The following TENM3 variants were observed in gnomAD, a reference collection of about 807,000 sequenced individuals.
The protein encoded by TENM3 is teneurin-3.
In TENM3, 63 loss-of-function variants were observed where a neutral mutation model predicts 255.1. The observed-to-expected ratio is 0.25, with a 90% CI of 0.20 to 0.30. The LOEUF is 0.30. Among genes scored for constraint, TENM3 ranks in the 10% least tolerant of loss-of-function variants. The pLI is 1.00. For missense variants in TENM3, 2,929 were observed against 3,461.1 expected (o/e 0.85, Z 3.86); for synonymous variants, 1,306 against 1,322.3 (o/e 0.99, Z 0.27).
intron 1 of TENM3, among the ~76,000 whole-genome samples, chr4:182,193,661 T>C (rs1398469187): frequency 2.6e-5 from 4 of 152,188 alleles, no homozygotes; most frequent in Non-Finnish European, 5.9e-5. Context: ...ATTAAAAAGA[T>C]TGACATGTTT....
the TENM3 span, chr4:181,874,351 A>AT: frequency 1.3e-5 from 2 of 152,178 alleles, no homozygotes; most frequent in African/African-American, 4.8e-5. Context: ...TATTAGTGTG[A>AT]TTTTGTCAAT....
intron 13 of TENM3, among the ~76,000 whole-genome samples, chr4:182,721,992 G>C (rs922563790): frequency 1.3e-5 from 2 of 151,858 alleles, no homozygotes; most frequent in African/African-American, 2.4e-5. Context: ...TTTTATCCCA[G>C]GTGTTCACTT....
the TENM3 span, among the ~76,000 whole-genome samples, chr4:182,059,107 T>C: frequency 2.6e-5 from 4 of 152,056 alleles, no homozygotes; most frequent in African/African-American, 9.7e-5. Flanking sequence ...TGCTGGGATA[T>C]GCAGGTGGCA....
At chr4:181,981,712 A>G in the TENM3 span, among the ~76,000 whole-genome samples, 1 of 152,222 alleles carries the variant, frequency 6.6e-6, no homozygotes, top group African/African-American at 2.4e-5. Context: ...AAAGGAGTAG[A>G]TAAAGATAGT....
Position 182,718,700 on chromosome 4 carries a change from A to G in TENM3, c.2368+4467A>G, listed in dbSNP as rs72995120. Reference sequence around the variant, plus strand: ...CAAAGTATAGCCTTTTGACTTGACAAGAATACCAGTGCTGAACCTCTGATG... The same window carrying G: ...CAAAGTATAGCCTTTTGACTTGACAGGAATACCAGTGCTGAACCTCTGATG... On this transcript the variant is annotated intron_variant, in intron 13 of 27. Coordinates refer to ENST00000511685, the MANE Select transcript of TENM3 (RefSeq NM_001080477.4). Among the ~76,000 whole-genome samples, 646 of 152,276 alleles carry G rather than the reference A, an allele frequency of 4.2e-3. 6 individuals are homozygous for G. The highest frequency in any genetic ancestry group is 0.014 in the African/African-American group (596 of 41,568).
the TENM3 span, among the ~76,000 whole-genome samples, chr4:181,478,396 T>C: frequency 6.6e-6 from 1 of 152,334 alleles, no homozygotes; most frequent in African/African-American, 2.4e-5. Flanking sequence ...GTAATGTTGC[T>C]GCTACTCCTT....
At chr4:182,067,505 T>C in the TENM3 span, among the ~76,000 whole-genome samples, 5 of 152,222 alleles carry the variant, frequency 3.3e-5, no homozygotes, top group African/African-American at 7.2e-5. Flanking sequence ...ACTCACAATG[T>C]GCCTGACCGA....
chr4:182,694,789 G>A (rs1757269728), intron 12 of TENM3, among the ~76,000 whole-genome samples: 1 of 152,210 alleles, frequency 6.6e-6, no homozygotes, highest in South Asian at 2.1e-4. Flanking sequence ...CACAGCTGGG[G>A]AGGTATTTCG....
At chr4:182,679,039 C>T (rs6849529) in intron 7 of TENM3, among the ~76,000 whole-genome samples, 4,259 of 152,188 alleles carry the variant, frequency 0.028, 95 homozygotes, top group Non-Finnish European at 0.04. Flanking sequence ...GGGAGGGGAA[C>T]ATCACCCCAG....
At chr4:182,783,257 A>G (rs889752193) in intron 24 of TENM3, among the ~76,000 whole-genome samples, 1 of 152,138 alleles carries the variant, frequency 6.6e-6, no homozygotes, top group African/African-American at 2.4e-5. Context: ...CCTGGTGGTG[A>G]CAAAATCTCT....
At chr4:182,264,365 T>C (rs1265892737) in intron 1 of TENM3, among the ~76,000 whole-genome samples, 1 of 152,204 alleles carries the variant, frequency 6.6e-6, no homozygotes, top group Non-Finnish European at 1.5e-5. Context: ...CTCCACGTTG[T>C]TTTATGTCCT....
the TENM3 span, among the ~76,000 whole-genome samples, chr4:181,592,571 G>A: frequency 6.6e-6 from 1 of 151,682 alleles, no homozygotes; most frequent in African/African-American, 2.4e-5. Flanking sequence ...CCTGACTTGG[G>A]GTTTGGCTGG....
chr4:182,207,159 G>T (rs1754639444), intron 1 of TENM3, among the ~76,000 whole-genome samples: 2 of 152,156 alleles, frequency 1.3e-5, no homozygotes, highest in Admixed American at 6.6e-5. Context: ...CTGCATATTG[G>T]ACTTTCTGAC....
the TENM3 span, among the ~76,000 whole-genome samples, chr4:181,694,138 T>C: frequency 6.6e-6 from 1 of 152,120 alleles, no homozygotes. Flanking sequence ...CATGGTAAAG[T>C]TTCTGTAGCA....
intron 3 of TENM3, among the ~76,000 whole-genome samples, chr4:182,366,499 A>T (rs1000930000): frequency 6.6e-6 from 1 of 152,052 alleles, no homozygotes; most frequent in Admixed American, 6.6e-5. Flanking sequence ...ATATTTTTTC[A>T]CATTATCCAC....
chr4:181,450,219 A>G, the TENM3 span, among the ~76,000 whole-genome samples: 2 of 152,308 alleles, frequency 1.3e-5, no homozygotes, highest in Admixed American at 6.5e-5. Context: ...AGCAACATTT[A>G]TAATCAAATG....
chr4:181,625,835 CAATAAT>C, the TENM3 span, among the ~76,000 whole-genome samples: 3 of 133,020 alleles, frequency 2.3e-5, no homozygotes, highest in African/African-American at 5.1e-5. Context: ...ATAATAATAA[CAATAAT>C]AATAATAATA....
At chr4:182,690,027 C>T (rs908668594) in intron 12 of TENM3, among the ~76,000 whole-genome samples, 2 of 152,186 alleles carry the variant, frequency 1.3e-5, no homozygotes, top group African/African-American at 4.8e-5. Context: ...CTGCCACAAC[C>T]ACCAAAATTC....
chr4:182,157,791 AAC>A (rs1164826546), intron 1 of TENM3, among the ~76,000 whole-genome samples: 1 of 152,198 alleles, frequency 6.6e-6, no homozygotes, highest in Non-Finnish European at 1.5e-5. Context: ...AGGAGAGGGA[AAC>A]ACAATGGACA....
Sources: allele counts gnomAD v4.1 joint callset (sites outside exome capture counted in the v4.1 genomes callset), GRCh38; gene constraint gnomAD v4.1.1; transcripts MANE v1.5; gene names NCBI Gene and HGNC (gene_info 2026-07-23, HGNC 2026-07-21).